KIF26B: variants seen among roughly 807,000 people sequenced by gnomAD.
The protein encoded by KIF26B is kinesin-like protein KIF26B.
Under a neutral mutation model 151.2 loss-of-function variants are expected in KIF26B, and 63 were observed. The ratio of observed to expected loss-of-function variants is 0.42; its 90% CI spans 0.34 to 0.51. KIF26B has a LOEUF of 0.51. Among genes scored for constraint, KIF26B ranks in the 20% least tolerant of loss-of-function variants. The pLI is 0.07. For synonymous variants in KIF26B, 1,357 were observed against 1,262.1 expected (o/e 1.08, Z -1.59); for missense variants, 2,813 against 2,913.6 (o/e 0.97, Z 0.79).
intron 2 of KIF26B, among the ~76,000 whole-genome samples, chr1:245,308,058 C>T (rs1671592517): frequency 6.6e-6 from 1 of 152,146 alleles, no homozygotes; most frequent in South Asian, 2.1e-4. Flanking sequence ...TGACTCGTTT[C>T]TATTACTCTG....
In KIF26B at chr1:245,156,586, C is replaced by G; in HGVS notation, c.368C>G (p.Ser123Trp). ...AGCGGCGGCGGCTCCTCCCCCGGCTCGGACCGCGGCGTCTGGTGCGAGAAC... is the reference window on the plus strand; with the variant it reads ...AGCGGCGGCGGCTCCTCCCCCGGCTGGGACCGCGGCGTCTGGTGCGAGAAC... ...SGSGGGSSPG[S>W]DRGVWCENCN... Residue 123 changes from serine (S) to tryptophan (W), a missense_variant, in exon 2 of 15, where the codon TCG becomes TGG. Physicochemically the swap from Ser to Trp is radical, Grantham distance 177 (BLOSUM62 -3). This residue lies in a region of KIF26B where 676 missense variants were observed against 688.1 expected (regional missense o/e 0.98). Coordinates refer to ENST00000407071, the MANE Select transcript of KIF26B (RefSeq NM_018012.4). 6.5e-7 allele frequency: 1 copy of G among 1,527,594 alleles called. No homozygotes were observed. Among genetic ancestry groups the G allele is most frequent in the Non-Finnish European group, 8.7e-7 (1 of 1,143,858 alleles). The allele number at this position is 1,527,594 out of a possible 1,614,324, so 94.6% of individuals were successfully genotyped here. A position where few individuals can be genotyped will look rare whatever the true frequency, so the allele number is the denominator to read the frequency against.
intron 2 of KIF26B, among the ~76,000 whole-genome samples, chr1:245,232,894 A>G (rs1670027695): frequency 6.6e-6 from 1 of 152,126 alleles, no homozygotes; most frequent in Non-Finnish European, 1.5e-5. Context: ...TCAATATGTG[A>G]TTTGGCAATG....
chr1:245,543,666 T>C (rs115724515), intron 5 of KIF26B, among the ~76,000 whole-genome samples: 29 of 152,232 alleles, frequency 1.9e-4, no homozygotes, highest in South Asian at 4.2e-4. Flanking sequence ...GAACAAGAAG[T>C]TGGCTGGGCG....
chr1:245,387,568 C>T (rs1354431565), intron 3 of KIF26B, among the ~76,000 whole-genome samples: 3 of 152,110 alleles, frequency 2.0e-5, no homozygotes, highest in Non-Finnish European at 4.4e-5. Flanking sequence ...TGGCACATGC[C>T]TGTGGTCCCA....
At chr1:245,408,694 T>C (rs891200094) in intron 3 of KIF26B, among the ~76,000 whole-genome samples, 4 of 152,156 alleles carry the variant, frequency 2.6e-5, no homozygotes, top group Admixed American at 2.6e-4. Flanking sequence ...CTTTTGCTGT[T>C]AGCACATTTT....
At chr1:245,307,980 T>C (rs560672557) in intron 2 of KIF26B, among the ~76,000 whole-genome samples, 1 of 152,314 alleles carries the variant, frequency 6.6e-6, no homozygotes, top group South Asian at 2.1e-4. Flanking sequence ...AACTGGTTAA[T>C]CTTTCAGTCC....
At chr1:245,321,045 T>G (rs1431477687) in intron 2 of KIF26B, among the ~76,000 whole-genome samples, 1 of 152,198 alleles carries the variant, frequency 6.6e-6, no homozygotes, top group Non-Finnish European at 1.5e-5. Flanking sequence ...TCATTTTTAT[T>G]GTCACAAAAG....
At position 245,156,478 on chromosome 1, in the gene KIF26B, C is replaced by T. The variant is rs1033923891; in HGVS notation, c.260C>T (p.Pro87Leu). The change falls in exon 2 of 15, where the codon CCC becomes CTC. Residue 87 changes from proline to leucine, a missense_variant. Coordinates refer to ENST00000407071, the MANE Select transcript of KIF26B (RefSeq NM_018012.4). ...SPSSFTGSPG[P>L]ASPGIGTSSP... Reference sequence around the variant, plus strand: ...AGCTCGTTCACCGGCTCCCCGGGACCCGCCTCCCCCGGCATCGGCACTAGT... The same window carrying T: ...AGCTCGTTCACCGGCTCCCCGGGACTCGCCTCCCCCGGCATCGGCACTAGT... The T allele has an allele frequency of 1.3e-6, 2 of 1,525,438 alleles. No individual in the cohort carries two copies. The highest frequency in any genetic ancestry group is 1.8e-6 in the Non-Finnish European group (2 of 1,139,796). The allele number at this position is 1,525,438 out of a possible 1,614,324, so 94.5% of individuals were successfully genotyped here.
chr1:245,525,322 TC>T (rs1661215218), intron 4 of KIF26B, among the ~76,000 whole-genome samples: 1 of 152,216 alleles, frequency 6.6e-6, no homozygotes, highest in Admixed American at 6.5e-5. Flanking sequence ...TTCTTGGCAG[TC>T]AGTCACGTAT....
Position 245,156,596 on chromosome 1 carries a change from C to T in KIF26B, c.378C>T (p.Gly126=), listed in dbSNP as rs771009085. ...GGGSSPGSDR[G]VWCENCNARL... ...GCTCCTCCCCCGGCTCGGACCGCGGCGTCTGGTGCGAGAACTGCAACGCCC... is the reference window on the plus strand; with the variant it reads ...GCTCCTCCCCCGGCTCGGACCGCGGTGTCTGGTGCGAGAACTGCAACGCCC... Residue 126 remains glycine (G), a synonymous_variant, in exon 2 of 15, where the codon GGC becomes GGT. Transcript: ENST00000407071. 6 of 1,526,926 alleles carry T rather than the reference C, an allele frequency of 3.9e-6. No individual in the cohort carries two copies. Among genetic ancestry groups the T allele is most frequent in the Admixed American group, 3.9e-5 (2 of 50,750 alleles). 94.6% of individuals were successfully genotyped at this position (1,526,926 alleles called of 1,614,324 possible).
chr1:245,317,120 A>G (rs1671795102), intron 2 of KIF26B, among the ~76,000 whole-genome samples: 1 of 152,248 alleles, frequency 6.6e-6, no homozygotes, highest in African/African-American at 2.4e-5. Flanking sequence ...AAATAAATCT[A>G]GAAACCTGCT....
At chr1:245,411,393 A>T (rs1044095483) in intron 3 of KIF26B, among the ~76,000 whole-genome samples, 7 of 152,244 alleles carry the variant, frequency 4.6e-5, no homozygotes, top group Admixed American at 6.5e-5. Flanking sequence ...CCTGATCCAG[A>T]GGAGACACTG....
intron 3 of KIF26B, among the ~76,000 whole-genome samples, chr1:245,414,910 G>A (rs1041378264): frequency 1.3e-5 from 2 of 152,190 alleles, no homozygotes; most frequent in Non-Finnish European, 2.9e-5. Flanking sequence ...TTCAGTAACT[G>A]AGGTCAGATG....
intron 9 of KIF26B, among the ~76,000 whole-genome samples, chr1:245,614,214 GC>G (rs2043559183): frequency 6.6e-6 from 1 of 152,066 alleles, no homozygotes; most frequent in African/African-American, 2.4e-5. Flanking sequence ...TCACTCTGTT[GC>G]CCAGGCTGGA....
chr1:245,688,439 G>A lies in KIF26B; in HGVS notation c.5456G>A (p.Arg1819Gln), dbSNP rs769202232. Residue 1819 changes from arginine to glutamine, a missense_variant, in exon 12 of 15, where the codon CGG becomes CAG. By Grantham distance (43) the Arg-to-Gln change is conservative. Coordinates refer to ENST00000407071, the MANE Select transcript of KIF26B (RefSeq NM_018012.4). The part of the protein sequence containing the change: ...SELLQGGAGA[R>Q]GLQLRAGPEA... Reference sequence around the variant, plus strand: ...CTGCTGCAGGGTGGCGCGGGCGCCCGGGGCTTGCAGCTGCGGGCCGGGCCC... The same window carrying A: ...CTGCTGCAGGGTGGCGCGGGCGCCCAGGGCTTGCAGCTGCGGGCCGGGCCC... The A allele has an allele frequency of 2.3e-5, 32 of 1,380,302 alleles. No individual in the cohort carries two copies. Among genetic ancestry groups the A allele is most frequent in the Admixed American group, 3.4e-5 (1 of 29,380 alleles). The allele number at this position is 1,380,302 out of a possible 1,614,324, so 85.5% of individuals were successfully genotyped here.
chr1:245,675,811 G>T (rs1048649963), intron 10 of KIF26B, among the ~76,000 whole-genome samples: 1 of 152,130 alleles, frequency 6.6e-6, no homozygotes, highest in African/African-American at 2.4e-5. Context: ...TTTAAAGTGT[G>T]AGGGGCCCAT....
intron 10 of KIF26B, among the ~76,000 whole-genome samples, chr1:245,655,814 TAGTG>T (rs1240612008): frequency 6.6e-6 from 1 of 152,252 alleles, no homozygotes; most frequent in Admixed American, 6.5e-5. Context: ...GTGTTGGACT[TAGTG>T]AGAGAATGGT....
At chr1:245,571,586 A>G (rs2043066380) in intron 5 of KIF26B, among the ~76,000 whole-genome samples, 1 of 152,200 alleles carries the variant, frequency 6.6e-6, no homozygotes, top group Non-Finnish European at 1.5e-5. Context: ...CAGGCTCTCT[A>G]AACACTTTAA....
chr1:245,605,119 T>C (rs1558233422), intron 6 of KIF26B, among the ~76,000 whole-genome samples: 1 of 152,208 alleles, frequency 6.6e-6, no homozygotes, highest in Non-Finnish European at 1.5e-5. Flanking sequence ...TGGACCTCAG[T>C]GTCCTTCCTC....
Sources: allele counts gnomAD v4.1 joint callset (sites outside exome capture counted in the v4.1 genomes callset), GRCh38; gene constraint gnomAD v4.1.1; regional missense constraint gnomAD v4.1.1; transcripts MANE v1.5; gene names NCBI Gene and HGNC (gene_info 2026-07-23, HGNC 2026-07-21).